The following SHC4 variants were observed in gnomAD, a reference collection of about 807,000 sequenced individuals.
SHC4 encodes SHC adaptor protein 4.
A neutral mutation model predicts 69.4 loss-of-function variants in SHC4; 41 were observed. The ratio of observed to expected loss-of-function variants is 0.59; its 90% CI spans 0.46 to 0.77. SHC4 has a LOEUF of 0.77. Ranked by LOEUF, SHC4 falls within the 30% of genes least tolerant of loss-of-function variation. The pLI is 0.00. For missense variants in SHC4, 777 were observed against 783.8 expected, an observed-to-expected ratio of 0.99 and a Z score of 0.10; for synonymous variants, 318 against 299.3, an observed-to-expected ratio of 1.06 and a Z score of -0.64.
At chr15:48,914,204 C>T (rs1420522130) in intron 2 of SHC4, among the ~76,000 whole-genome samples, 1 of 152,236 alleles carries the variant, frequency 6.6e-6, no homozygotes. Context: ...GCTTGATTGT[C>T]TCCCACATTA....
Position 48,963,028 on chromosome 15 carries a change from G to GTT in SHC4, c.-14_-13insAA. On this transcript the variant is annotated 5_prime_UTR_variant, in exon 1 of 12. Coordinates refer to ENST00000332408, the MANE Select transcript of SHC4 (RefSeq NM_203349.4). ...CGCGTTCTCGCATAGCCTTGGCAGTGCTGAAACAGGATACTGTTGCATAAA... is the reference window on the plus strand; with the variant it reads ...CGCGTTCTCGCATAGCCTTGGCAGTGTTCTGAAACAGGATACTGTTGCATAAA... 1 of 1,591,420 alleles carries GTT rather than the reference G, an allele frequency of 6.3e-7. No homozygotes were observed. Among genetic ancestry groups the GTT allele is most frequent in the Non-Finnish European group, 8.6e-7 (1 of 1,167,954 alleles).
intron 4 of SHC4, among the ~76,000 whole-genome samples, chr15:48,875,296 T>C (rs1899777102): frequency 6.6e-6 from 1 of 152,230 alleles, no homozygotes; most frequent in East Asian, 1.9e-4. Flanking sequence ...GAAAACAATG[T>C]GAACACAAAG....
chr15:48,918,390 C>A (rs1332897554), intron 2 of SHC4, among the ~76,000 whole-genome samples: 4 of 152,186 alleles, frequency 2.6e-5, no homozygotes, highest in Admixed American at 6.5e-5. Context: ...ACTTTCTCAA[C>A]AACCTCTATT....
At chr15:48,922,221 C>G (rs1900764659) in intron 2 of SHC4, among the ~76,000 whole-genome samples, 1 of 152,112 alleles carries the variant, frequency 6.6e-6, no homozygotes, top group Non-Finnish European at 1.5e-5. Flanking sequence ...AGTGTAAATT[C>G]CATGAGGGTA....
intron 2 of SHC4, among the ~76,000 whole-genome samples, chr15:48,921,959 T>G (rs191524463): frequency 4.6e-5 from 7 of 152,332 alleles, no homozygotes; most frequent in African/African-American, 1.4e-4. Flanking sequence ...AAACACAGAC[T>G]GTTAATAGAC....
At chr15:48,894,856 G>A (rs1360672343) in intron 2 of SHC4, among the ~76,000 whole-genome samples, 1 of 152,084 alleles carries the variant, frequency 6.6e-6, no homozygotes, top group Admixed American at 6.5e-5. Context: ...TGGGATCATA[G>A]CTCAATGCAG....
chr15:48,836,539 A>G (rs1898901299), intron 10 of SHC4, among the ~76,000 whole-genome samples: 1 of 152,072 alleles, frequency 6.6e-6, no homozygotes, highest in Non-Finnish European at 1.5e-5. Context: ...TAGAAACTAG[A>G]CTTTGTTTCT....
intron 1 of SHC4, among the ~76,000 whole-genome samples, chr15:48,931,389 A>G (rs867306260): frequency 1.3e-5 from 2 of 152,224 alleles, no homozygotes; most frequent in Non-Finnish European, 2.9e-5. Flanking sequence ...GTATTGGCAC[A>G]TGAATATTCT....
rs1246322363 is a variant in SHC4, at chr15:48,837,405, A to G, written c.1484-2383T>C. Among the ~76,000 whole-genome samples, 6 of 152,334 alleles carry G rather than the reference A, an allele frequency of 3.9e-5. No homozygotes were observed. The East Asian group carries it at 1.2e-3, about 29-fold the overall frequency. On this transcript the variant is annotated intron_variant, in intron 10 of 11. Transcript: ENST00000332408. ...ACATACTAGCTTTTTAAAATCTAGG[A>G]AAGAGAAAAACAAATAAAATTAATC...
At chr15:48,877,996 C>A (rs899234431) in intron 4 of SHC4, 2 of 654,556 alleles carry the variant, frequency 3.1e-6, no homozygotes, top group Non-Finnish European at 2.4e-6. Flanking sequence ...CGCCAACACC[C>A]CGGAGAAAAC....
intron 1 of SHC4, among the ~76,000 whole-genome samples, chr15:48,940,709 T>C (rs1476266886): frequency 2.0e-5 from 3 of 152,310 alleles, no homozygotes; most frequent in East Asian, 1.9e-4. Context: ...CTGGAGACCA[T>C]GTGGGCAAAG....
chr15:48,962,751 G>C lies in SHC4; in HGVS notation c.265C>G (p.Arg89Gly). Reference sequence around the variant, plus strand: ...TTGGCCAGCTTCATGCTTGCCATGCGGGGGATCAAGGTGCACAGTGGGGTG... The same window carrying C: ...TTGGCCAGCTTCATGCTTGCCATGCCGGGGATCAAGGTGCACAGTGGGGTG... Reference protein sequence around the residue: ...SPTPLCTLIPRMASMKLANPA... With the variant: ...SPTPLCTLIPGMASMKLANPA... Residue 89 changes from arginine to glycine, a missense_variant, in exon 1 of 12, where the codon CGC (arginine) becomes GGC (glycine). By Grantham distance (125) the Arg-to-Gly change is moderately radical (BLOSUM62 -2). Transcript: ENST00000332408. 3 of 1,613,176 alleles carry C rather than the reference G, an allele frequency of 1.9e-6. No individual in the cohort carries two copies. In the East Asian group the frequency reaches 6.7e-5, roughly 36 times the overall value.
At chr15:48,945,312 T>C (rs1288463616) in intron 1 of SHC4, among the ~76,000 whole-genome samples, 3 of 151,790 alleles carry the variant, frequency 2.0e-5, no homozygotes, top group African/African-American at 4.8e-5. Context: ...GAAGGCTCCA[T>C]TTCCATCAGA....
intron 4 of SHC4, chr15:48,877,417 T>A (rs941289607): frequency 2.1e-6 from 2 of 973,356 alleles, no homozygotes; most frequent in African/African-American, 3.5e-5. Context: ...ATATAATTCA[T>A]ATAAGTATAT....
chr15:48,891,190 A>C (rs1900131737), intron 2 of SHC4, among the ~76,000 whole-genome samples: 1 of 152,218 alleles, frequency 6.6e-6, no homozygotes, highest in African/African-American at 2.4e-5. Context: ...CTGTAATGTT[A>C]TGAATAAAAA....
chr15:48,843,509 A>C lies in SHC4; in HGVS notation c.1383T>G (p.Asp461Glu). 6.2e-7 allele frequency: 1 copy of C among 1,614,196 alleles called. No individual in the cohort carries two copies. The highest frequency in any genetic ancestry group is 1.1e-5 in the South Asian group (1 of 91,090). Residue 461 changes from aspartate (D) to glutamate (E), a missense_variant, in exon 10 of 12, where the codon GAT becomes GAG. Asp to Glu is a conservative substitution (Grantham distance 45). Transcript: ENST00000332408. Reference sequence around the variant, plus strand: ...CCTGTGTATTAATGTAGCAGGGGTCATCAAAGAGATCCACTCGGCACGTGT... The same window carrying C: ...CCTGTGTATTAATGTAGCAGGGGTCCTCAAAGAGATCCACTCGGCACGTGT... ...LKHTCRVDLF[D>E]DPCYINTQAL...
At chr15:48,872,601 A>C (rs879755033) in intron 4 of SHC4, among the ~76,000 whole-genome samples, 1 of 152,154 alleles carries the variant, frequency 6.6e-6, no homozygotes, top group Non-Finnish European at 1.5e-5. Context: ...AATAGGAAAA[A>C]AGTCTGGTGG....
At chr15:48,919,670 T>C (rs749471753) in intron 2 of SHC4, among the ~76,000 whole-genome samples, 14 of 152,094 alleles carry the variant, frequency 9.2e-5, no homozygotes, top group Non-Finnish European at 1.3e-4. Flanking sequence ...CCCTCTGCCT[T>C]CAGCTCTCTT....
intron 8 of SHC4, among the ~76,000 whole-genome samples, chr15:48,852,621 G>A (rs1275394379): frequency 6.6e-6 from 1 of 152,144 alleles, no homozygotes; most frequent in Non-Finnish European, 1.5e-5. Context: ...AAGAGGTAGG[G>A]CCAGGCGTGA....
Sources: allele counts gnomAD v4.1 joint callset (sites outside exome capture counted in the v4.1 genomes callset), GRCh38; gene constraint gnomAD v4.1.1; transcripts MANE v1.5; gene names NCBI Gene and HGNC (gene_info 2026-07-23, HGNC 2026-07-21).